Variants in SERPINA6 observed in about 807,000 individuals in gnomAD.
SERPINA6 encodes corticosteroid-binding globulin.
Under a neutral mutation model 26.4 loss-of-function variants are expected in SERPINA6, and 19 were observed. The observed-to-expected ratio is 0.72, with a 90% CI of 0.50 to 1.06. SERPINA6 has a LOEUF of 1.06. Among genes scored for constraint, SERPINA6 ranks in the 50% least tolerant of loss-of-function variants. The probability of loss-of-function intolerance (pLI) is 0.00; values close to 1 mark genes in which losing one functional copy is unlikely to be tolerated. For missense variants in SERPINA6, 473 were observed against 504.0 expected, an observed-to-expected ratio of 0.94 and a Z score of 0.59; for synonymous variants, 196 against 199.4, an observed-to-expected ratio of 0.98 and a Z score of 0.14.
intron 4 of SERPINA6, among the ~76,000 whole-genome samples, chr14:94,305,417 T>G (rs1036864951): frequency 6.6e-6 from 1 of 152,186 alleles, no homozygotes; most frequent in African/African-American, 2.4e-5. Context: ...AGATTCCTCA[T>G]CTGAGAAATT....
rs776743156 is a variant in SERPINA6 at position 94,313,997 on chromosome 14, A to G, written c.613+39T>C. The G allele has an allele frequency of 4.3e-6, 7 of 1,612,328 alleles. No individual in the cohort carries two copies. The East Asian group carries it at 6.7e-5, about 15-fold the overall frequency. ...ATTTTAGCGGCTGTTATTCCTGGCC[A>G]TAGTGGATGGGCCTTCAGATGGGGA... On this transcript the variant is annotated intron_variant, in intron 2 of 4. Transcript: ENST00000341584.
chr14:94,304,843 A>G (rs967964075), intron 4 of SERPINA6, among the ~76,000 whole-genome samples: 4 of 152,112 alleles, frequency 2.6e-5, no homozygotes, highest in Non-Finnish European at 5.9e-5. Context: ...GGCCCATCAC[A>G]TGGAGATTAG....
rs553806394 is a variant in SERPINA6, at chr14:94,307,039, G to A, written c.885-821C>T. 8.7e-4 allele frequency among the ~76,000 whole-genome samples: 132 copies of A among 152,264 alleles called. No homozygotes were observed. In the Middle Eastern group the frequency reaches 0.01, roughly 12 times the overall value. On this transcript the variant is annotated intron_variant, in intron 3 of 4. Transcript: ENST00000341584. ...CAAAAGCAGCCCTGAGTGAGGCCCG[G>A]AGGCTGGCAACCATCCTGCGTGAAG...
At chr14:94,321,629 C>A (rs546904689) in intron 1 of SERPINA6, among the ~76,000 whole-genome samples, 2 of 152,160 alleles carry the variant, frequency 1.3e-5, no homozygotes, top group Admixed American at 6.5e-5. Context: ...GAGCAGGGAA[C>A]AAAGATGGAT....
At chr14:94,307,533 C>T (rs1895459522) in intron 3 of SERPINA6, among the ~76,000 whole-genome samples, 1 of 152,218 alleles carries the variant, frequency 6.6e-6, no homozygotes, top group South Asian at 2.1e-4. Context: ...ATAGATAGTC[C>T]TTCCCGTCAT....
intron 3 of SERPINA6, among the ~76,000 whole-genome samples, chr14:94,307,870 GA>G (rs1314738583): frequency 2.0e-5 from 3 of 152,218 alleles, no homozygotes; most frequent in Non-Finnish European, 2.9e-5. Flanking sequence ...AGAACTGGAT[GA>G]ACTTCTCTAG....
intron 2 of SERPINA6, among the ~76,000 whole-genome samples, chr14:94,312,926 A>G (rs1895552749): frequency 1.3e-5 from 2 of 152,336 alleles, no homozygotes; most frequent in Admixed American, 1.3e-4. Flanking sequence ...CATGTTCAGT[A>G]GAGATACTGG....
intron 1 of SERPINA6, among the ~76,000 whole-genome samples, chr14:94,319,504 G>A (rs1895655277): frequency 6.6e-6 from 1 of 152,148 alleles, no homozygotes; most frequent in African/African-American, 2.4e-5. Context: ...AAAGATAATT[G>A]TAGACCAAAG....
At chr14:94,320,897 A>G (rs1297474870) in intron 1 of SERPINA6, among the ~76,000 whole-genome samples, 1 of 152,018 alleles carries the variant, frequency 6.6e-6, no homozygotes, top group Non-Finnish European at 1.5e-5. Flanking sequence ...CACCCAAATG[A>G]TGGGCTTTAT....
At position 94,314,330 on chromosome 14, in the gene SERPINA6, G is replaced by C; in HGVS notation, c.319C>G (p.Gln107Glu). Reference sequence around the variant, plus strand: ...AGTTGGTGCAGGTGCTGGAAACCCTGGTGGATCTCAGTCTCAGACCTCTCA... The same window carrying C: ...AGTTGGTGCAGGTGCTGGAAACCCTCGTGGATCTCAGTCTCAGACCTCTCA... Reference protein sequence around the residue: ...LTERSETEIHQGFQHLHQLFA... With the variant: ...LTERSETEIHEGFQHLHQLFA... Residue 107 changes from glutamine (Q) to glutamate (E), a missense_variant, in exon 2 of 5, where the codon CAG becomes GAG. Gln to Glu is a conservative substitution (Grantham distance 29, BLOSUM62 2). Coordinates refer to ENST00000341584, the MANE Select transcript of SERPINA6 (RefSeq NM_001756.4). 1.9e-6 allele frequency: 3 copies of C among 1,614,200 alleles called. No individual in the cohort carries two copies. Among genetic ancestry groups the C allele is most frequent in the South Asian group, 1.1e-5 (1 of 91,074 alleles).
chr14:94,321,569 G>A (rs941547600), intron 1 of SERPINA6, among the ~76,000 whole-genome samples: 2 of 152,128 alleles, frequency 1.3e-5, no homozygotes, highest in African/African-American at 4.8e-5. Context: ...AGTTCCCCAG[G>A]GCAGGTCATT....
At chr14:94,313,811 G>A (rs1895568136) in intron 2 of SERPINA6, 2 of 680,552 alleles carry the variant, frequency 2.9e-6, no homozygotes, top group Non-Finnish European at 5.3e-6. Flanking sequence ...AAACCAACCT[G>A]CCAGAATGTA....
At chr14:94,320,826 C>A (rs191596470) in intron 1 of SERPINA6, among the ~76,000 whole-genome samples, 31 of 152,312 alleles carry the variant, frequency 2.0e-4, no homozygotes, top group Non-Finnish European at 1.3e-4. Flanking sequence ...GTTGGCTGCT[C>A]TAGCCCCTAG....
chr14:94,308,382 GGGCAT>G (rs1222311880), intron 3 of SERPINA6, among the ~76,000 whole-genome samples: 1 of 151,022 alleles, frequency 6.6e-6, no homozygotes, highest in East Asian at 1.9e-4. Context: ...TGCTTAGCTA[GGGCAT>G]GGTACATAGC....
intron 4 of SERPINA6, among the ~76,000 whole-genome samples, chr14:94,304,889 G>A (rs569486156): frequency 2.0e-4 from 31 of 152,306 alleles, no homozygotes; most frequent in East Asian, 9.6e-4. Flanking sequence ...CACTGTCCAT[G>A]TTGGGCGCTT....
chr14:94,323,240 G>C (rs1208025463), intron 1 of SERPINA6, 27 bp downstream of exon 1: 3 of 152,476 alleles, frequency 2.0e-5, no homozygotes, highest in Non-Finnish European at 4.4e-5. Context: ...CAGGGGGAGG[G>C]ACAGAGGGTT....
chr14:94,306,336 C>G lies in SERPINA6; in HGVS notation c.885-118G>C. Reference sequence around the variant, plus strand: ...CCTCATGCGCTCCCTCCAGCTCCTGCCCTCCAGCCTGACTTGCTCTTTGTG... The same window carrying G: ...CCTCATGCGCTCCCTCCAGCTCCTGGCCTCCAGCCTGACTTGCTCTTTGTG... On this transcript the variant is annotated intron_variant, in intron 3 of 4. Coordinates refer to ENST00000341584, the MANE Select transcript of SERPINA6 (RefSeq NM_001756.4). 5 of 1,053,502 alleles carry G rather than the reference C, an allele frequency of 4.7e-6. No homozygotes were observed. In the South Asian group the frequency reaches 5.4e-5, roughly 11 times the overall value. The allele number at this position is 1,053,502 out of a possible 1,614,324, so 65.3% of individuals were successfully genotyped here.
intron 1 of SERPINA6, among the ~76,000 whole-genome samples, chr14:94,322,336 C>T (rs186613086): frequency 6.6e-6 from 1 of 152,250 alleles, no homozygotes; most frequent in Admixed American, 6.5e-5. Flanking sequence ...TGGCGAAACC[C>T]ATTTCTACTA....
intron 4 of SERPINA6, among the ~76,000 whole-genome samples, chr14:94,305,553 C>G (rs1895425686): frequency 6.6e-6 from 1 of 152,184 alleles, no homozygotes; most frequent in East Asian, 1.9e-4. Context: ...GTCTTGAGGT[C>G]AGGGGCCACA....
Sources: gnomAD v4.1 joint callset for allele counts (sites outside exome capture counted in the v4.1 genomes callset) on GRCh38, gnomAD v4.1.1 for gene constraint, MANE v1.5 for transcripts, NCBI Gene and HGNC (gene_info 2026-07-23, HGNC 2026-07-21) for gene names.